Variants in CADM1 observed in about 807,000 individuals in gnomAD.
The protein encoded by CADM1 is TSLC-1.
Under a neutral mutation model 53.1 loss-of-function variants are expected in CADM1, and 15 were observed. The ratio of observed to expected loss-of-function variants is 0.28; its 90% confidence interval spans 0.19 to 0.44. CADM1 has a LOEUF of 0.44. Among genes scored for constraint, CADM1 ranks in the 20% least tolerant of loss-of-function variants. The probability of loss-of-function intolerance (pLI) is 1.00; values close to 1 mark genes in which losing one functional copy is unlikely to be tolerated. For missense variants in CADM1, 434 were observed against 611.3 expected (o/e 0.71, Z 3.06); for synonymous variants, 281 against 243.0 (o/e 1.16, Z -1.45).
chr11:115,180,743 G>T (rs1206214148), intron 10 of CADM1, among the ~76,000 whole-genome samples: 1 of 152,066 alleles, frequency 6.6e-6, no homozygotes. Context: ...CACTGGAGAT[G>T]TTCAGTCCAA....
chr11:115,401,598 A>G (rs1947157616), intron 1 of CADM1, among the ~76,000 whole-genome samples: 1 of 151,996 alleles, frequency 6.6e-6, no homozygotes, highest in African/African-American at 2.4e-5. Flanking sequence ...ACAGAGCAAG[A>G]TTCCATCTCA....
chr11:115,313,286 C>T (rs912008630), intron 1 of CADM1, among the ~76,000 whole-genome samples: 1 of 152,122 alleles, frequency 6.6e-6, no homozygotes, highest in Admixed American at 6.6e-5. Flanking sequence ...CCCTATTCTA[C>T]CATGTGTCCC....
At chr11:115,240,632 C>T (rs1317510189) in intron 1 of CADM1, among the ~76,000 whole-genome samples, 1 of 152,172 alleles carries the variant, frequency 6.6e-6, no homozygotes, top group Non-Finnish European at 1.5e-5. Flanking sequence ...CTGGAATCAT[C>T]ATACTCTCAA....
chr11:115,473,333 C>CA (rs1226583248), intron 1 of CADM1, among the ~76,000 whole-genome samples: 1 of 152,140 alleles, frequency 6.6e-6, no homozygotes, highest in Non-Finnish European at 1.5e-5. Context: ...GTGGCACACA[C>CA]ATGTAGTCCC....
At chr11:115,403,297 GA>G (rs36023257) in intron 1 of CADM1, among the ~76,000 whole-genome samples, 152,348 of 152,348 alleles carry the variant, frequency 1, 76,174 homozygotes, top group Non-Finnish European at 1. Flanking sequence ...GACAAAGGTG[GA>G]ACTGAAAAAC....
chr11:115,240,841 G>A (rs1467609199), intron 1 of CADM1: 1 of 241,304 alleles, frequency 4.1e-6, no homozygotes, highest in Non-Finnish European at 8.2e-6. Context: ...AGAAACTCAA[G>A]GAGCCACTTA....
At chr11:115,223,163 G>A (rs771466058) in intron 5 of CADM1, among the ~76,000 whole-genome samples, 3 of 152,082 alleles carry the variant, frequency 2.0e-5, no homozygotes, top group Non-Finnish European at 2.9e-5. Flanking sequence ...ATCAGATCAC[G>A]AGTTCCCGTT....
chr11:115,430,850 T>C (rs1158580514), intron 1 of CADM1, among the ~76,000 whole-genome samples: 1 of 152,178 alleles, frequency 6.6e-6, no homozygotes, highest in Non-Finnish European at 1.5e-5. Context: ...AAAGACTCTC[T>C]AGTATTTTAA....
chr11:115,414,505 TAAA>T (rs1021304385), intron 1 of CADM1, among the ~76,000 whole-genome samples: 1 of 151,208 alleles, frequency 6.6e-6, no homozygotes, highest in African/African-American at 2.4e-5. Flanking sequence ...GTGCAACTCT[TAAA>T]AAAAAATAAT....
chr11:115,390,144 C>T (rs558494800), intron 1 of CADM1, among the ~76,000 whole-genome samples: 1 of 152,196 alleles, frequency 6.6e-6, no homozygotes, highest in African/African-American at 2.4e-5. Flanking sequence ...CCCCATGTCA[C>T]AGGAGAAAAA....
At chr11:115,445,562 G>A (rs1948430592) in intron 1 of CADM1, among the ~76,000 whole-genome samples, 1 of 152,022 alleles carries the variant, frequency 6.6e-6, no homozygotes, top group Non-Finnish European at 1.5e-5. Flanking sequence ...AAATTTAAGG[G>A]GCCAGGTTCA....
In CADM1 at chr11:115,190,924, TG is replaced by T; in HGVS notation, c.1128del (p.Asn377IlefsTer29). ...EPAVHGLTQL[P>X]NSAEELDSED... ...TCACTGTCCAGTTCTTCTGCGGAAT[TG>T]GGCAACTGAGTAAGGCCTTACAAGT... On this transcript the variant is annotated frameshift_variant, in exon 10 of 12. Transcript: ENST00000331581. LOFTEE classifies it high-confidence loss of function. 1 of 1,594,684 alleles carries T rather than the reference TG, an allele frequency of 6.3e-7. No homozygotes were observed. Among genetic ancestry groups the T allele is most frequent in the Admixed American group, 1.7e-5 (1 of 59,638 alleles).
intron 1 of CADM1, among the ~76,000 whole-genome samples, chr11:115,312,986 C>T (rs1360015718): frequency 1.3e-5 from 2 of 151,678 alleles, no homozygotes; most frequent in African/African-American, 4.8e-5. Flanking sequence ...GGAAAGTATG[C>T]TGTAAATGAT....
At chr11:115,273,688 C>G (rs765213395) in intron 1 of CADM1, among the ~76,000 whole-genome samples, 8 of 151,988 alleles carry the variant, frequency 5.3e-5, no homozygotes, top group Non-Finnish European at 1.2e-4. Context: ...TATACAAAAG[C>G]AAATGGTAAA....
chr11:115,459,904 A>G (rs1385877957), intron 1 of CADM1, among the ~76,000 whole-genome samples: 2 of 152,166 alleles, frequency 1.3e-5, no homozygotes, highest in Non-Finnish European at 2.9e-5. Flanking sequence ...TTCCATACTC[A>G]GGCCAGACTA....
chr11:115,311,428 T>C (rs1944529602), intron 1 of CADM1, among the ~76,000 whole-genome samples: 1 of 152,076 alleles, frequency 6.6e-6, no homozygotes, highest in African/African-American at 2.4e-5. Context: ...TATACCAAAA[T>C]CCATGCATAT....
chr11:115,462,383 G>C (rs764320420), intron 1 of CADM1, among the ~76,000 whole-genome samples: 18 of 152,286 alleles, frequency 1.2e-4, no homozygotes, highest in Admixed American at 5.2e-4. Context: ...AGGGCTAAAT[G>C]TGAGCACCTC....
intron 1 of CADM1, among the ~76,000 whole-genome samples, chr11:115,476,077 A>T (rs1949124112): frequency 6.6e-6 from 1 of 152,190 alleles, no homozygotes; most frequent in Admixed American, 6.5e-5. Context: ...CAAAATTTTT[A>T]ATTATTATGG....
At chr11:115,492,783 G>A (rs1041504184) in intron 1 of CADM1, among the ~76,000 whole-genome samples, 6 of 151,916 alleles carry the variant, frequency 3.9e-5, no homozygotes, top group African/African-American at 1.5e-4. Flanking sequence ...ATGTTAGACT[G>A]GAATTGAATG....
Sources: allele counts gnomAD v4.1 joint callset (sites outside exome capture counted in the v4.1 genomes callset), GRCh38; gene constraint gnomAD v4.1.1; transcripts MANE v1.5; gene names NCBI Gene and HGNC (gene_info 2026-07-23, HGNC 2026-07-21).